ABHD17C: variants seen among roughly 807,000 people sequenced by gnomAD.
The protein encoded by ABHD17C is abhydrolase domain containing 17C, depalmitoylase.
In ABHD17C, 11 loss-of-function variants were observed where a neutral mutation model predicts 27.9. The observed-to-expected ratio is 0.39, with a 90% CI of 0.25 to 0.65. The LOEUF (loss-of-function observed/expected upper bound fraction) is 0.65, where lower values mean the gene tolerates loss of function less well. ABHD17C is among the 30% of genes least tolerant of loss of function. The pLI is 0.45. For missense variants in ABHD17C, 280 were observed against 470.2 expected (o/e 0.60, Z 3.74); for synonymous variants, 233 against 209.1 (o/e 1.11, Z -0.98).
intron 1 of ABHD17C, among the ~76,000 whole-genome samples, chr15:80,733,339 C>T (rs1435008074): frequency 6.6e-6 from 1 of 152,158 alleles, no homozygotes; most frequent in Admixed American, 6.5e-5. Context: ...GGCTCACTTG[C>T]TCTCAGCTTT....
intron 1 of ABHD17C, among the ~76,000 whole-genome samples, chr15:80,721,855 A>G (rs895815876): frequency 2.0e-5 from 3 of 151,890 alleles, no homozygotes; most frequent in Admixed American, 2.0e-4. Context: ...TTCTGGAGGG[A>G]AGGAGGCCCC....
intron 1 of ABHD17C, among the ~76,000 whole-genome samples, chr15:80,711,198 CT>C (rs1290068094): frequency 3.9e-5 from 6 of 152,194 alleles, no homozygotes; most frequent in African/African-American, 1.2e-4. Context: ...TCCGTAGCAT[CT>C]TTGATCAGTG....
At chr15:80,709,678 C>T (rs1353931994) in intron 1 of ABHD17C, among the ~76,000 whole-genome samples, 2 of 152,066 alleles carry the variant, frequency 1.3e-5, no homozygotes, top group Admixed American at 6.6e-5. Flanking sequence ...TCAGCAGCCC[C>T]GCCTCACACT....
At chr15:80,752,374 C>T (rs564992932) in intron 2 of ABHD17C, among the ~76,000 whole-genome samples, 2 of 152,258 alleles carry the variant, frequency 1.3e-5, no homozygotes, top group South Asian at 2.1e-4. Flanking sequence ...TGGTCCGCGG[C>T]TTCCTGAGTT....
chr15:80,707,992 GT>G (rs1211156688), intron 1 of ABHD17C, among the ~76,000 whole-genome samples: 4 of 152,146 alleles, frequency 2.6e-5, no homozygotes, highest in African/African-American at 9.7e-5. Flanking sequence ...CAGTGCAAGG[GT>G]TCCAGCTGCC....
At chr15:80,716,478 A>G (rs941381204) in intron 1 of ABHD17C, among the ~76,000 whole-genome samples, 5 of 152,112 alleles carry the variant, frequency 3.3e-5, no homozygotes, top group African/African-American at 9.7e-5. Context: ...GTTCCCTTTA[A>G]CCCTAAAATG....
intron 1 of ABHD17C, among the ~76,000 whole-genome samples, chr15:80,716,973 G>A (rs935494320): frequency 2.0e-5 from 3 of 152,094 alleles, no homozygotes; most frequent in South Asian, 4.1e-4. Context: ...ACCTCATCTC[G>A]CCAGTTAATG....
intron 1 of ABHD17C, among the ~76,000 whole-genome samples, chr15:80,734,487 A>G (rs541867547): frequency 2.7e-4 from 41 of 152,340 alleles, no homozygotes; most frequent in African/African-American, 9.6e-4. Flanking sequence ...ATACTCAGAT[A>G]AGTTCAAGCA....
At chr15:80,745,324 T>C (rs912128454) in intron 1 of ABHD17C, among the ~76,000 whole-genome samples, 35 of 152,114 alleles carry the variant, frequency 2.3e-4, no homozygotes, top group African/African-American at 8.2e-4. Flanking sequence ...TTTTGGTAGG[T>C]TTAAGTTTTT....
At chr15:80,705,245 T>C (rs1894628495) in intron 1 of ABHD17C, 1 of 151,974 alleles carries the variant, frequency 6.6e-6, no homozygotes, top group African/African-American at 2.4e-5. Context: ...GAACTGATTC[T>C]GGCTCTTATG....
chr15:80,747,918 G>A (rs1159382162), intron 1 of ABHD17C, among the ~76,000 whole-genome samples: 1 of 152,138 alleles, frequency 6.6e-6, no homozygotes, highest in Non-Finnish European at 1.5e-5. Context: ...GGACACTCCA[G>A]TGGCCGTCAT....
At chr15:80,703,131 C>T (rs1596058722) in intron 1 of ABHD17C, 2 of 152,182 alleles carry the variant, frequency 1.3e-5, no homozygotes, top group South Asian at 2.1e-4. Context: ...GAACCAAAGG[C>T]GGGAGGAAGG....
At chr15:80,739,342 G>A (rs1332246269) in intron 1 of ABHD17C, among the ~76,000 whole-genome samples, 2 of 152,094 alleles carry the variant, frequency 1.3e-5, no homozygotes, top group African/African-American at 4.8e-5. Flanking sequence ...TGCCCTACAT[G>A]TTGAATTTTG....
At chr15:80,718,635 G>T (rs184786260) in intron 1 of ABHD17C, among the ~76,000 whole-genome samples, 1 of 152,000 alleles carries the variant, frequency 6.6e-6, no homozygotes, top group Non-Finnish European at 1.5e-5. Context: ...ATGCCCAGCC[G>T]CTTCTTGTAA....
rs138448970 is a variant in ABHD17C at position 80,717,381 on chromosome 15, T to C, written c.590+21362T>C. 2.3e-3 allele frequency among the ~76,000 whole-genome samples: 344 copies of C among 152,114 alleles called. 4 individuals carry two copies. The highest frequency in any genetic ancestry group is 7.9e-3 in the African/African-American group (326 of 41,522). ...TCATTTTTTTCTATTTTCCACTCGT[T>C]ATAAAATTACAACAAATTTTTTTTT... On this transcript the variant is annotated intron_variant, in intron 1 of 2. Coordinates refer to ENST00000258884, the MANE Select transcript of ABHD17C (RefSeq NM_021214.2).
intron 1 of ABHD17C, among the ~76,000 whole-genome samples, chr15:80,712,007 G>A (rs1337641623): frequency 6.6e-6 from 1 of 152,154 alleles, no homozygotes; most frequent in Non-Finnish European, 1.5e-5. Flanking sequence ...TCAGATGCTG[G>A]TGTCCATTAG....
At chr15:80,726,491 T>G (rs1263545794) in intron 1 of ABHD17C, among the ~76,000 whole-genome samples, 4 of 149,626 alleles carry the variant, frequency 2.7e-5, no homozygotes, top group South Asian at 2.1e-4. Context: ...GTTAATTGCT[T>G]CTTTTTCTGG....
At chr15:80,747,636 A>G (rs996524633) in intron 1 of ABHD17C, among the ~76,000 whole-genome samples, 3 of 152,140 alleles carry the variant, frequency 2.0e-5, no homozygotes, top group Non-Finnish European at 4.4e-5. Context: ...ACCATTTTTT[A>G]GTAACCTGTT....
At chr15:80,715,033 G>A (rs960280645) in intron 1 of ABHD17C, among the ~76,000 whole-genome samples, 7 of 152,146 alleles carry the variant, frequency 4.6e-5, no homozygotes, top group Admixed American at 1.3e-4. Context: ...CGCCCACCTC[G>A]GCCTCCCAAA....
Sources: gnomAD v4.1 joint callset for allele counts (sites outside exome capture counted in the v4.1 genomes callset) on GRCh38, gnomAD v4.1.1 for gene constraint, MANE v1.5 for transcripts, NCBI Gene and HGNC (gene_info 2026-07-23, HGNC 2026-07-21) for gene names.